RAD51AP2: variants seen among roughly 807,000 people sequenced by gnomAD.
RAD51AP2 encodes the protein RAD51 associated protein 2.
RAD51AP2 carries 67 observed loss-of-function variants against 85.5 expected under a neutral mutation model. The observed-to-expected ratio is 0.78, with a 90% CI of 0.64 to 0.96. The LOEUF is 0.96. Ranked by LOEUF, RAD51AP2 falls within the 40% of genes least tolerant of loss-of-function variation. The pLI, the probability that RAD51AP2 is intolerant of heterozygous loss-of-function variation, is 0.00. For missense variants in RAD51AP2, 1,307 were observed against 1,332.4 expected (o/e 0.98, Z 0.30); for synonymous variants, 474 against 446.5 (o/e 1.06, Z -0.78).
the RAD51AP2 span, among the ~76,000 whole-genome samples, chr2:17,529,616 C>A: frequency 3.9e-5 from 6 of 152,134 alleles, no homozygotes; most frequent in Non-Finnish European, 7.4e-5. Flanking sequence ...TTTATGATAT[C>A]ATTAGATACT....
At chr2:17,532,827 A>C in the RAD51AP2 span, among the ~76,000 whole-genome samples, 1 of 152,250 alleles carries the variant, frequency 6.6e-6, no homozygotes, top group East Asian at 1.9e-4. Flanking sequence ...CAATTTAGCC[A>C]GCATGCATAT....
rs772883638 is a variant in RAD51AP2, at chr2:17,517,141, T to G, written c.1275A>C (p.Lys425Asn). Residue 425 changes from lysine to asparagine, a missense_variant, in exon 1 of 3, where the codon AAA becomes AAC. Coordinates refer to ENST00000399080, the MANE Select transcript of RAD51AP2 (RefSeq NM_001099218.3). ...NCKTKCENMK[K>N]TEEKWNWLLL... The stretch of plus-strand genomic sequence containing the variant: ...ATAGCCAATTCCATTTTTCTTCAGT[T>G]TTTTTCATATTTTCACATTTAGTCT... The G allele has an allele frequency of 3.7e-6, 6 of 1,608,316 alleles. No homozygotes were observed. In the Admixed American group the frequency reaches 8.5e-5, roughly 23 times the overall value.
rs183882477 is a variant in RAD51AP2, at chr2:17,510,922, C to T, written c.3362G>A (p.Arg1121Gln). 2.2e-3 allele frequency: 3,451 copies of T among 1,601,264 alleles called. 7 individuals carry two copies. The highest frequency in any genetic ancestry group is 2.6e-3 in the Non-Finnish European group (2,998 of 1,174,038). Residue 1121 changes from arginine (R) to glutamine (Q), a missense_variant, in exon 3 of 3, where the codon CGA becomes CAA. This residue lies in a region of RAD51AP2 where 668 missense variants were observed against 671.0 expected (regional missense o/e 1.00). Coordinates refer to ENST00000399080, the MANE Select transcript of RAD51AP2 (RefSeq NM_001099218.3). ...TGGCCTACTGCATGTCTTAAGCGGT[C>T]GTACTCTTGAAATGCCATGTGGAAA... ...SHFPHGISRV[R>Q]PLKTCSRPIR...
At position 17,515,806 on chromosome 2, in the gene RAD51AP2, C is replaced by CAT; in HGVS notation, c.2608_2609dup (p.Met870IlefsTer10). Reference sequence around the variant, plus strand: ...TTAATGAAACTGACTGTACAGAAAACATGTCATCCATTGGAAAAAAACTAT... The same window carrying CAT: ...TTAATGAAACTGACTGTACAGAAAACATATGTCATCCATTGGAAAAAAACTAT... On this transcript the variant is annotated frameshift_variant, in exon 1 of 3. Transcript: ENST00000399080. LOFTEE classifies it high-confidence loss of function. 6.2e-7 allele frequency: 1 copy of CAT among 1,605,044 alleles called. No homozygotes were observed. Among genetic ancestry groups the CAT allele is most frequent in the Non-Finnish European group, 8.5e-7 (1 of 1,173,934 alleles).
At chr2:17,512,169 G>A (rs555374613) in intron 2 of RAD51AP2, among the ~76,000 whole-genome samples, 27 of 152,254 alleles carry the variant, frequency 1.8e-4, no homozygotes, top group Admixed American at 9.2e-4. Flanking sequence ...AGTAGTCAAC[G>A]GAAACGTTAA....
At chr2:17,513,870 G>A (rs907116048) in intron 2 of RAD51AP2, 142 bp downstream of exon 2, 2 of 571,166 alleles carry the variant, frequency 3.5e-6, no homozygotes, top group Admixed American at 6.8e-5. Context: ...GAATTTATCA[G>A]TATAATATTA....
chr2:17,514,878 T>C (rs1379291915), intron 1 of RAD51AP2, among the ~76,000 whole-genome samples: 2 of 152,064 alleles, frequency 1.3e-5, no homozygotes, highest in East Asian at 1.9e-4. Context: ...GTAAATGCTA[T>C]TGTGGAATTA....
chr2:17,524,066 A>G, the RAD51AP2 span, among the ~76,000 whole-genome samples: 2 of 151,956 alleles, frequency 1.3e-5, no homozygotes, highest in Non-Finnish European at 2.9e-5. Flanking sequence ...AACAAGAAAT[A>G]TGCATATAAA....
Position 17,515,201 on chromosome 2 carries a change from T to A in RAD51AP2, c.3215A>T (p.Glu1072Val). 6.3e-7 allele frequency: 1 copy of A among 1,588,046 alleles called. No individual in the cohort carries two copies. The highest frequency in any genetic ancestry group is 8.5e-7 in the Non-Finnish European group (1 of 1,170,532). The change falls in exon 1 of 3, where the codon GAG (glutamate) becomes GTG (valine). Residue 1072 changes from glutamate (E) to valine (V), a missense_variant. Physicochemically the swap from Glu to Val is moderately radical, Grantham distance 121 (BLOSUM62 -2). This residue lies in a region of RAD51AP2 where 668 missense variants were observed against 671.0 expected (regional missense o/e 1.00). Coordinates refer to ENST00000399080, the MANE Select transcript of RAD51AP2 (RefSeq NM_001099218.3). ...AGAAGTAGAGTAAAGTAATTCTTCC[T>A]CTGATCTACTTGGATAACAACTCTC... ...PNESCYPSRS[E>V]EELLYSTSEK...
chr2:17,524,162 C>G, the RAD51AP2 span, among the ~76,000 whole-genome samples: 1 of 151,972 alleles, frequency 6.6e-6, no homozygotes, highest in Admixed American at 6.6e-5. Context: ...CCACTTCACT[C>G]TCCTCTCCTG....
chr2:17,515,561 G>A lies in RAD51AP2; in HGVS notation c.2855C>T (p.Ser952Leu). The A allele has an allele frequency of 4.4e-6, 7 of 1,608,168 alleles. No individual in the cohort carries two copies. The highest frequency in any genetic ancestry group is 5.1e-6 in the Non-Finnish European group (6 of 1,178,352). ...TTTTACTATTGTCAGAGCTTCTGTT[G>A]ATAAATATTTAGCAGCTAAGTCCTG... is the stretch of plus-strand genomic sequence containing the variant. ...CFQDLAAKYL[S>L]TEALTIVKDF... The change falls in exon 1 of 3, where the codon TCA becomes TTA. Residue 952 changes from serine to leucine, a missense_variant. This residue lies in a region of RAD51AP2 where 668 missense variants were observed against 671.0 expected (regional missense o/e 1.00). Coordinates refer to ENST00000399080, the MANE Select transcript of RAD51AP2 (RefSeq NM_001099218.3).
chr2:17,535,155 T>C, the RAD51AP2 span, among the ~76,000 whole-genome samples: 4 of 152,172 alleles, frequency 2.6e-5, no homozygotes, highest in African/African-American at 9.7e-5. Context: ...TGGGAAATAA[T>C]TTTTTGGCTG....
At chr2:17,526,960 TG>T in the RAD51AP2 span, among the ~76,000 whole-genome samples, 1 of 152,190 alleles carries the variant, frequency 6.6e-6, no homozygotes, top group Non-Finnish European at 1.5e-5. Context: ...TCAGGCTTTT[TG>T]TTTTATTTTG....
chr2:17,514,706 G>A (rs1300452611), intron 1 of RAD51AP2, among the ~76,000 whole-genome samples: 1 of 152,060 alleles, frequency 6.6e-6, no homozygotes, highest in Non-Finnish European at 1.5e-5. Context: ...GGAGGCAGAG[G>A]TTACAGTGAG....
chr2:17,535,696 G>C, the RAD51AP2 span, among the ~76,000 whole-genome samples: 2 of 152,232 alleles, frequency 1.3e-5, no homozygotes, highest in African/African-American at 4.8e-5. Flanking sequence ...AGGCAGCACA[G>C]GGGGAAGAAC....
chr2:17,525,711 A>G, the RAD51AP2 span, among the ~76,000 whole-genome samples: 39,099 of 151,942 alleles, frequency 0.26, 5,649 homozygotes, highest in Non-Finnish European at 0.33. Context: ...TTTCATATCA[A>G]CTTCCACAAG....
upstream of RAD51AP2, among the ~76,000 whole-genome samples, chr2:17,521,232 T>C (rs997515820): frequency 1.3e-5 from 2 of 152,124 alleles, no homozygotes; most frequent in African/African-American, 4.8e-5. Flanking sequence ...TTATTTTGCT[T>C]TAGTTTTATA....
chr2:17,520,940 C>T (rs1662843866), upstream of RAD51AP2, among the ~76,000 whole-genome samples: 1 of 152,068 alleles, frequency 6.6e-6, no homozygotes, highest in African/African-American at 2.4e-5. Flanking sequence ...CCTGCTGTAG[C>T]CAATCCCTGG....
intron 1 of RAD51AP2, among the ~76,000 whole-genome samples, chr2:17,514,543 G>A (rs1050819357): frequency 6.0e-5 from 9 of 151,188 alleles, no homozygotes; most frequent in African/African-American, 2.2e-4. Flanking sequence ...CGGCGGGGGG[G>A]GTGGATCACA....
Sources: gnomAD v4.1 joint callset for allele counts (sites outside exome capture counted in the v4.1 genomes callset) on GRCh38, gnomAD v4.1.1 for gene constraint, gnomAD v4.1.1 regional missense constraint, MANE v1.5 for transcripts, NCBI Gene and HGNC (gene_info 2026-07-23, HGNC 2026-07-21) for gene names.